LTBP2: variants seen among roughly 807,000 people sequenced by gnomAD.
LTBP2 encodes latent-transforming growth factor beta-binding protein 2.
Under a neutral mutation model 210.6 loss-of-function variants are expected in LTBP2, and 103 were observed. That is an observed-to-expected ratio of 0.49 (90% CI 0.42 to 0.58). The LOEUF (loss-of-function observed/expected upper bound fraction) is 0.58. LTBP2 is among the 20% of genes least tolerant of loss of function. The probability of loss-of-function intolerance (pLI) is 0.00; values close to 1 mark genes in which losing one functional copy is unlikely to be tolerated. For missense variants in LTBP2, 2,313 were observed against 2,494.5 expected, an observed-to-expected ratio of 0.93 and a Z score of 1.55; for synonymous variants, 1,007 against 1,015.0, an observed-to-expected ratio of 0.99 and a Z score of 0.15.
In LTBP2 at chr14:74,611,587, G is replaced by C. The variant is rs774968646; in HGVS notation, c.358C>G (p.Gln120Glu). Residue 120 changes from glutamine (Q) to glutamate (E), a missense_variant, in exon 1 of 36, where the codon CAG (glutamine) becomes GAG (glutamate). Gln to Glu is a conservative substitution (Grantham distance 29). Transcript: ENST00000261978. ...QQSRRVQPPA[Q>E]TRRSTPLGQQ... ...CCCAGGGGAGTGCTTCTCCGGGTCT[G>C]CGCAGGTGGCTGGACACGCCGCGAC... 1 of 1,576,364 alleles carries C rather than the reference G, an allele frequency of 6.3e-7. No homozygotes were observed. Among genetic ancestry groups the C allele is most frequent in the Non-Finnish European group, 8.6e-7 (1 of 1,167,556 alleles).
At chr14:74,540,848 T>TTTATATAATA (rs1555350202) in intron 8 of LTBP2, among the ~76,000 whole-genome samples, 14 of 68,870 alleles carry the variant, frequency 2.0e-4, no homozygotes, top group African/African-American at 6.7e-4. Context: ...TTTATATATA[T>TTTATATAATA]TATATATATT....
intron 3 of LTBP2, among the ~76,000 whole-genome samples, chr14:74,583,929 G>A (rs989955723): frequency 4.6e-5 from 7 of 152,184 alleles, no homozygotes; most frequent in Non-Finnish European, 1.0e-4. Context: ...AACCGGCAGG[G>A]GCCTCACCTC....
chr14:74,501,382 TCA>T (rs2086908181), intron 35 of LTBP2, 57 bp downstream of exon 35: 2 of 1,612,788 alleles, frequency 1.2e-6, no homozygotes, highest in Admixed American at 3.3e-5. Context: ...CTTCCTGAGT[TCA>T]GGCGTCTCTG....
At chr14:74,567,741 C>T (rs75337651) in intron 3 of LTBP2, among the ~76,000 whole-genome samples, 1 of 152,118 alleles carries the variant, frequency 6.6e-6, no homozygotes, top group Non-Finnish European at 1.5e-5. Flanking sequence ...GGGCACACAG[C>T]TGCTGCCCTG....
intron 2 of LTBP2, among the ~76,000 whole-genome samples, chr14:74,596,226 A>AAATAAAT (rs2088358745): frequency 3.3e-5 from 4 of 122,042 alleles, no homozygotes; most frequent in Non-Finnish European, 4.9e-5. Flanking sequence ...TGCTGTTTCA[A>AAATAAAT]AAATAAATAA....
intron 2 of LTBP2, among the ~76,000 whole-genome samples, chr14:74,603,006 A>C (rs1269610496): frequency 1.3e-5 from 2 of 152,254 alleles, no homozygotes; most frequent in Non-Finnish European, 2.9e-5. Flanking sequence ...AGGTGCATGC[A>C]GTCTCCTGAG....
intron 3 of LTBP2, among the ~76,000 whole-genome samples, chr14:74,572,284 G>GGTGT (rs751715934): frequency 3.9e-4 from 47 of 120,114 alleles, no homozygotes; most frequent in African/African-American, 1.2e-3. Context: ...GCAGAGGTGG[G>GGTGT]GTGTGTGTGT....
chr14:74,568,229 G>A (rs2139769101), intron 3 of LTBP2, among the ~76,000 whole-genome samples: 1 of 152,330 alleles, frequency 6.6e-6, no homozygotes. Flanking sequence ...CCCTTGTGCA[G>A]GACACAGCAG....
intron 3 of LTBP2, among the ~76,000 whole-genome samples, chr14:74,574,102 A>G (rs548220972): frequency 2.0e-5 from 3 of 152,276 alleles, no homozygotes; most frequent in African/African-American, 7.2e-5. Flanking sequence ...CCACACATAC[A>G]ATCGAAAACA....
At chr14:74,598,316 T>C (rs2139802263) in intron 2 of LTBP2, among the ~76,000 whole-genome samples, 1 of 152,304 alleles carries the variant, frequency 6.6e-6, no homozygotes, top group Middle Eastern at 3.4e-3. Context: ...TGCCATTCCA[T>C]TGCCCACGTG....
At chr14:74,501,758 T>C in intron 34 of LTBP2, 168 bp from the exon 35 acceptor site, 1 of 776,414 alleles carries the variant, frequency 1.3e-6, no homozygotes, top group South Asian at 1.8e-5. Context: ...CAAAAGGCAG[T>C]ACTCTTGAAA....
At chr14:74,537,537 T>G (rs1029689494) in intron 8 of LTBP2, among the ~76,000 whole-genome samples, 6 of 152,246 alleles carry the variant, frequency 3.9e-5, no homozygotes, top group Non-Finnish European at 7.3e-5. Flanking sequence ...TTTGACTCCT[T>G]TGTGGCAATA....
At position 74,586,725 on chromosome 14, in the gene LTBP2, A is replaced by C. The variant is rs2088210298; in HGVS notation, c.566-607T>G. ...CTGGAGGACTCTAAGGGTCCTTCAA[A>C]GGCACCTTCAGCTTGACGGTCTCTC... On this transcript the variant is annotated intron_variant, in intron 2 of 35. Coordinates refer to ENST00000261978, the MANE Select transcript of LTBP2 (RefSeq NM_000428.3). The surrounding 1 kb of genome is among the most constrained non-coding windows in gnomAD (Gnocchi z 4.6). Among the ~76,000 whole-genome samples, 1 of 152,112 alleles carries C rather than the reference A, an allele frequency of 6.6e-6. No homozygotes were observed. The highest frequency in any genetic ancestry group is 2.1e-4 in the South Asian group (1 of 4,826).
intron 2 of LTBP2, among the ~76,000 whole-genome samples, chr14:74,595,641 C>T (rs1028463222): frequency 5.9e-5 from 9 of 152,282 alleles, no homozygotes; most frequent in African/African-American, 2.2e-4. Context: ...GATGAGAACA[C>T]CACCCCAAAC....
At chr14:74,580,951 TC>T (rs1363414180) in intron 3 of LTBP2, among the ~76,000 whole-genome samples, 1 of 151,724 alleles carries the variant, frequency 6.6e-6, no homozygotes, top group African/African-American at 2.4e-5. Context: ...AGACCCTGTC[TC>T]AAAAAAAAAT....
intron 9 of LTBP2, among the ~76,000 whole-genome samples, chr14:74,533,770 C>G (rs1408606991): frequency 6.6e-6 from 1 of 152,206 alleles, no homozygotes; most frequent in Non-Finnish European, 1.5e-5. Flanking sequence ...GGGAAACCCC[C>G]TTTTCCTGCT....
Position 74,586,111 on chromosome 14 carries a change from G to T in LTBP2, c.573C>A (p.Cys191Ter). 1 of 1,592,450 alleles carries T rather than the reference G, an allele frequency of 6.3e-7. No homozygotes were observed. The highest frequency in any genetic ancestry group is 8.5e-7 in the Non-Finnish European group (1 of 1,170,314). Reference protein sequence around the residue: ...NSTNHCIKPVCEPPCQNRGSC... With the variant: ...NSTNHCIKPV Reference sequence around the variant, plus strand: ...AGCCCCGGTTCTGGCACGGCGGCTCGCAAACGGCTGAGGACACAGGGAGAG... The same window carrying T: ...AGCCCCGGTTCTGGCACGGCGGCTCTCAAACGGCTGAGGACACAGGGAGAG... Residue 191 changes from cysteine to a stop codon, truncating the protein, a stop_gained, in exon 3 of 36, where the codon TGC becomes TGA. Transcript: ENST00000261978. LOFTEE classifies it high-confidence loss of function. This position sits in a 1 kb window ranked among gnomAD's most constrained non-coding sequence, Gnocchi z 4.6.
chr14:74,515,312 A>T (rs1248063246), intron 18 of LTBP2, among the ~76,000 whole-genome samples: 1 of 144,988 alleles, frequency 6.9e-6, no homozygotes, highest in Non-Finnish European at 1.5e-5. Context: ...GCTGGAGTGC[A>T]GTGGCGTGAT....
chr14:74,603,354 C>T lies in LTBP2; in HGVS notation c.565+281G>A, dbSNP rs11624628. Among the ~76,000 whole-genome samples, 1,662 of 152,228 alleles carry T rather than the reference C, an allele frequency of 0.011. 22 individuals are homozygous for T. The highest frequency in any genetic ancestry group is 0.018 in the Non-Finnish European group (1,221 of 68,006). On this transcript the variant is annotated intron_variant, in intron 2 of 35. Transcript: ENST00000261978. ...CTTGACCAGGCTGGTCTCCAACTCT[C>T]GACCTCAAGTGATCCACCCACCTTG...
Sources: allele counts gnomAD v4.1 joint callset (sites outside exome capture counted in the v4.1 genomes callset), GRCh38; gene constraint gnomAD v4.1.1; non-coding constraint Gnocchi (gnomAD v3.1); transcripts MANE v1.5; gene names NCBI Gene and HGNC (gene_info 2026-07-23, HGNC 2026-07-21).